The following KCNK2 variants were observed in gnomAD, a reference collection of about 807,000 sequenced individuals.
KCNK2 encodes potassium two pore domain channel subfamily K member 2.
In KCNK2, 21 loss-of-function variants were observed where a neutral mutation model predicts 40.5. The observed-to-expected ratio is 0.52, with a 90% CI of 0.37 to 0.75. The LOEUF (loss-of-function observed/expected upper bound fraction) is 0.75, where lower values mean the gene tolerates loss of function less well. Among genes scored for constraint, KCNK2 ranks in the 30% least tolerant of loss-of-function variants. KCNK2 has a pLI of 0.00. For synonymous variants in KCNK2, 191 were observed against 202.2 expected, an observed-to-expected ratio of 0.94 and a Z score of 0.47; for missense variants, 399 against 531.6, an observed-to-expected ratio of 0.75 and a Z score of 2.45.
At chr1:215,048,607 T>A (rs913817661) in intron 1 of KCNK2, among the ~76,000 whole-genome samples, 31 of 152,246 alleles carry the variant, frequency 2.0e-4, no homozygotes, top group Non-Finnish European at 4.3e-4. Context: ...ACTTAAATTT[T>A]ATTCAAGTCA....
intron 1 of KCNK2, among the ~76,000 whole-genome samples, chr1:215,061,002 T>C (rs1370422681): frequency 1.3e-5 from 2 of 152,154 alleles, no homozygotes; most frequent in African/African-American, 4.8e-5. Flanking sequence ...TAGAAATACA[T>C]ACCTTCAAAA....
chr1:215,161,390 T>A (rs1663186649), intron 3 of KCNK2, among the ~76,000 whole-genome samples: 1 of 152,062 alleles, frequency 6.6e-6, no homozygotes, highest in Non-Finnish European at 1.5e-5. Flanking sequence ...GAAACTTTTT[T>A]TATGGGGCTT....
intron 6 of KCNK2, among the ~76,000 whole-genome samples, chr1:215,229,892 G>T (rs1202319546): frequency 6.6e-6 from 1 of 151,488 alleles, no homozygotes; most frequent in East Asian, 1.9e-4. Flanking sequence ...AGATGTTTAG[G>T]CCTTAGAAGT....
intron 2 of KCNK2, among the ~76,000 whole-genome samples, chr1:215,093,942 TATATATAATATATAAA>T (rs1659866099): frequency 8.2e-6 from 1 of 122,516 alleles, no homozygotes; most frequent in Non-Finnish European, 1.6e-5. Context: ...TACATGACAA[TATATATAATATATAAA>T]ATATATAATA....
At chr1:215,209,451 T>A (rs1448032268) in intron 6 of KCNK2, among the ~76,000 whole-genome samples, 289 of 18,098 alleles carry the variant, frequency 0.016, 12 homozygotes, top group African/African-American at 0.049. Flanking sequence ...ATATAATATA[T>A]ATTATATATT....
chr1:215,197,737 C>T (rs775431388), intron 6 of KCNK2, among the ~76,000 whole-genome samples: 6 of 152,116 alleles, frequency 3.9e-5, no homozygotes, highest in African/African-American at 7.2e-5. Flanking sequence ...GGGTTGCTTA[C>T]GCCTGTAATC....
chr1:215,091,100 T>A (rs1354544505), intron 2 of KCNK2, among the ~76,000 whole-genome samples: 1 of 152,182 alleles, frequency 6.6e-6, no homozygotes, highest in Non-Finnish European at 1.5e-5. Context: ...TGAGCTGGAA[T>A]CCCTACGTGT....
At chr1:215,032,771 A>C (rs1657250271) in intron 1 of KCNK2, among the ~76,000 whole-genome samples, 1 of 152,038 alleles carries the variant, frequency 6.6e-6, no homozygotes, top group Non-Finnish European at 1.5e-5. Context: ...CTCTGTAGGT[A>C]AGGTGTTCTT....
chr1:215,168,102 A>G (rs1012022673), intron 3 of KCNK2, among the ~76,000 whole-genome samples: 1 of 152,230 alleles, frequency 6.6e-6, no homozygotes, highest in African/African-American at 2.4e-5. Context: ...GCCAAAAAAC[A>G]TATGAAAAAC....
chr1:215,185,474 TTG>T (rs1664397055), intron 5 of KCNK2, among the ~76,000 whole-genome samples: 1 of 152,052 alleles, frequency 6.6e-6, no homozygotes, highest in African/African-American at 2.4e-5. Flanking sequence ...AAAACAGAAA[TTG>T]TGAATTTTTT....
intron 6 of KCNK2, among the ~76,000 whole-genome samples, chr1:215,198,895 G>C (rs1159599928): frequency 1.3e-5 from 2 of 152,126 alleles, no homozygotes; most frequent in East Asian, 3.9e-4. Context: ...AAAAGATTTT[G>C]GCTAATAACC....
chr1:215,044,892 C>T (rs139639434), intron 1 of KCNK2, among the ~76,000 whole-genome samples: 367 of 151,720 alleles, frequency 2.4e-3, no homozygotes, highest in African/African-American at 8.6e-3. Context: ...AGAGTTAGGC[C>T]GGGCACAGTG....
At chr1:215,234,459 T>C (rs566600892) in intron 6 of KCNK2, among the ~76,000 whole-genome samples, 114 of 152,330 alleles carry the variant, frequency 7.5e-4, no homozygotes, top group African/African-American at 2.7e-3. Context: ...CCAATACTTC[T>C]TGAAATTAGA....
intron 1 of KCNK2, among the ~76,000 whole-genome samples, chr1:215,076,739 C>A (rs1658954051): frequency 6.6e-6 from 1 of 152,122 alleles, no homozygotes; most frequent in South Asian, 2.1e-4. Context: ...GGGTGAAACA[C>A]AAGGGCCTGA....
chr1:215,066,885 C>T (rs536990588), intron 1 of KCNK2, among the ~76,000 whole-genome samples: 7 of 152,242 alleles, frequency 4.6e-5, no homozygotes, highest in African/African-American at 1.7e-4. Flanking sequence ...TGACAACATA[C>T]ATTTTCAATA....
intron 1 of KCNK2, among the ~76,000 whole-genome samples, chr1:215,041,041 T>C (rs1237698704): frequency 2.0e-5 from 3 of 152,220 alleles, no homozygotes; most frequent in Admixed American, 2.0e-4. Context: ...TGTTTCACTC[T>C]TCTCCTCATC....
intron 1 of KCNK2, among the ~76,000 whole-genome samples, chr1:215,047,364 T>C (rs1219149846): frequency 1.3e-5 from 2 of 152,038 alleles, no homozygotes; most frequent in Non-Finnish European, 2.9e-5. Flanking sequence ...AACAACTGAG[T>C]AAAGAGTTAA....
intron 1 of KCNK2, among the ~76,000 whole-genome samples, chr1:215,061,499 T>G (rs1434552132): frequency 6.6e-6 from 1 of 152,046 alleles, no homozygotes; most frequent in Admixed American, 6.6e-5. Flanking sequence ...GGTTTAAAAG[T>G]TAAAAGAAAA....
intron 1 of KCNK2, among the ~76,000 whole-genome samples, chr1:215,052,842 A>G (rs1352806124): frequency 2.6e-5 from 4 of 152,182 alleles, no homozygotes; most frequent in Non-Finnish European, 5.9e-5. Flanking sequence ...CATCATGACT[A>G]TTGGGTAGAA....
Sources: gnomAD v4.1 joint callset for allele counts (sites outside exome capture counted in the v4.1 genomes callset) on GRCh38, gnomAD v4.1.1 for gene constraint, MANE v1.5 for transcripts, NCBI Gene and HGNC (gene_info 2026-07-23, HGNC 2026-07-21) for gene names.